The following FAM227A variants were observed in gnomAD, a reference collection of about 807,000 sequenced individuals.
FAM227A encodes the protein family with sequence similarity 227 member A, also known as protein FAM227A.
In FAM227A, 80 loss-of-function variants were observed where a neutral mutation model predicts 74.7. The ratio of observed to expected loss-of-function variants is 1.07; its 90% CI spans 0.89 to 1.29. FAM227A has a LOEUF of 1.29. Among genes scored for constraint, FAM227A ranks in the 50% most tolerant of loss-of-function variants. FAM227A has a pLI of 0.00. For synonymous variants in FAM227A, 237 were observed against 241.8 expected (o/e 0.98, Z 0.19); for missense variants, 654 against 683.4 (o/e 0.96, Z 0.48).
At chr22:38,607,256 G>T in intron 12 of FAM227A, 133 bp downstream of exon 12, 1 of 581,370 alleles carries the variant, frequency 1.7e-6, no homozygotes, top group Non-Finnish European at 3.1e-6. Flanking sequence ...ATTACTTGGT[G>T]CCAAGGCCCA....
At chr22:38,641,178 T>G (rs932029850) in intron 3 of FAM227A, among the ~76,000 whole-genome samples, 1 of 152,044 alleles carries the variant, frequency 6.6e-6, no homozygotes, top group Non-Finnish European at 1.5e-5. Flanking sequence ...GGGGGAAAGA[T>G]GGTAAGACCA....
intron 11 of FAM227A, among the ~76,000 whole-genome samples, chr22:38,613,312 C>CATATATCAT (rs1435078532): frequency 3.4e-4 from 19 of 56,522 alleles, no homozygotes; most frequent in African/African-American, 1.3e-3. Flanking sequence ...TAATATATAA[C>CATATATCAT]ATATAATATA....
chr22:38,607,292 G>T, intron 12 of FAM227A, 97 bp downstream of exon 12: 1 of 830,442 alleles, frequency 1.2e-6, no homozygotes, highest in Non-Finnish European at 1.9e-6. Flanking sequence ...TATAAAGTAG[G>T]TCAGCAAATT....
chr22:38,623,122 T>C (rs1166755464), intron 10 of FAM227A, 50 bp downstream of exon 10: 1 of 1,264,434 alleles, frequency 7.9e-7, no homozygotes. Flanking sequence ...TAGATAGTGG[T>C]TGAGTATGGC....
At chr22:38,621,163 CCT>C (rs1259644434) in intron 10 of FAM227A, among the ~76,000 whole-genome samples, 3 of 151,902 alleles carry the variant, frequency 2.0e-5, no homozygotes, top group African/African-American at 4.8e-5. Flanking sequence ...ATGGTGAAAC[CCT>C]GTCTCACCCT....
intron 2 of FAM227A, among the ~76,000 whole-genome samples, chr22:38,647,123 C>T (rs572128162): frequency 5.6e-4 from 83 of 149,456 alleles, no homozygotes; most frequent in African/African-American, 1.8e-3. Flanking sequence ...CACTCCAGCC[C>T]GTGCGATGGT....
chr22:38,628,726 G>A, intron 7 of FAM227A, 108 bp downstream of exon 7: 1 of 727,056 alleles, frequency 1.4e-6, no homozygotes, highest in Non-Finnish European at 2.4e-6. Context: ...AGGCTGTGGG[G>A]TGCTCCATGG....
At chr22:38,654,418 G>A (rs2092362283) in intron 1 of FAM227A, among the ~76,000 whole-genome samples, 1 of 151,974 alleles carries the variant, frequency 6.6e-6, no homozygotes, top group East Asian at 1.9e-4. Context: ...AGCGGGAAGT[G>A]AGGCTGGAAA....
intron 16 of FAM227A, among the ~76,000 whole-genome samples, chr22:38,591,111 G>A (rs1415327809): frequency 6.6e-6 from 1 of 151,996 alleles, no homozygotes; most frequent in African/African-American, 2.4e-5. Flanking sequence ...GCTCTTTCCT[G>A]TGTTTTAAGA....
In FAM227A at chr22:38,582,355, T is replaced by A; in HGVS notation, c.*3770A>T. On this transcript the variant is annotated 3_prime_UTR_variant, in exon 17 of 17. Coordinates refer to ENST00000535113, the MANE Select transcript of FAM227A (RefSeq NM_001013647.2). ...TAACTTCATCTCTTCTAGTTTAACA[T>A]CTGAATTTATCTTCTTCCATGCTGA... 4.5e-6 allele frequency: 7 copies of A among 1,550,334 alleles called. No individual in the cohort carries two copies. The highest frequency in any genetic ancestry group is 6.1e-6 in the Non-Finnish European group (7 of 1,146,762).
At chr22:38,604,635 C>T (rs565193576) in intron 13 of FAM227A, among the ~76,000 whole-genome samples, 16 of 152,198 alleles carry the variant, frequency 1.1e-4, no homozygotes, top group African/African-American at 3.9e-4. Flanking sequence ...TTGGTTTTAT[C>T]ACTTATTTGC....
At chr22:38,586,298 C>T in intron 16 of FAM227A, 99 bp from the exon 17 acceptor site, 1 of 1,330,198 alleles carries the variant, frequency 7.5e-7, no homozygotes, top group Non-Finnish European at 1.0e-6. Context: ...AGTGGTGATC[C>T]TTGTGTGCAT....
At position 38,605,271 on chromosome 22, in the gene FAM227A, T is replaced by C; in HGVS notation, c.1204A>G (p.Asn402Asp). 2 of 1,547,276 alleles carry C rather than the reference T, an allele frequency of 1.3e-6. No homozygotes were observed. Among genetic ancestry groups the C allele is most frequent in the South Asian group, 1.2e-5 (1 of 83,950 alleles). The part of the protein sequence containing the change: ...KRISEARECE[N>D]MFPKKSCAAC... ...GTGCTCACCTTTTTAGGAAACATATTCTCACATTCTCTTGCTTCTGATATC... is the reference window on the plus strand; with the variant it reads ...GTGCTCACCTTTTTAGGAAACATATCCTCACATTCTCTTGCTTCTGATATC... Residue 402 changes from asparagine (N) to aspartate (D), a missense_variant, in exon 13 of 17, where the codon AAT (asparagine) becomes GAT (aspartate). Physicochemically the swap from Asn to Asp is conservative, Grantham distance 23 (BLOSUM62 1). Coordinates refer to ENST00000535113, the MANE Select transcript of FAM227A (RefSeq NM_001013647.2).
chr22:38,635,803 T>C (rs958196491), intron 6 of FAM227A, among the ~76,000 whole-genome samples: 3 of 152,042 alleles, frequency 2.0e-5, no homozygotes, highest in East Asian at 1.9e-4. Flanking sequence ...AGTTGGAGAA[T>C]AGCCTGGGCA....
chr22:38,594,511 T>C (rs1602858843), intron 15 of FAM227A, among the ~76,000 whole-genome samples: 1 of 152,222 alleles, frequency 6.6e-6, no homozygotes, highest in Non-Finnish European at 1.5e-5. Context: ...GAGGGAGGTT[T>C]TTCTTGGCTG....
chr22:38,640,487 C>G (rs2145676582), intron 3 of FAM227A, among the ~76,000 whole-genome samples: 1 of 152,188 alleles, frequency 6.6e-6, no homozygotes, highest in South Asian at 2.1e-4. Context: ...TGACTCTTCC[C>G]CACCCCCATC....
rs553544034 is a variant in FAM227A, at chr22:38,602,707, G to A, written c.1221+2547C>T. Among the ~76,000 whole-genome samples, 29 of 152,136 alleles carry A rather than the reference G, an allele frequency of 1.9e-4. 1 individual carries two copies. The highest frequency in any genetic ancestry group is 6.3e-4 in the African/African-American group (26 of 41,490). On this transcript the variant is annotated intron_variant, in intron 13 of 16. Coordinates refer to ENST00000535113, the MANE Select transcript of FAM227A (RefSeq NM_001013647.2). Reference sequence around the variant, plus strand: ...AAATAAATTTTTTTTCAAAGCCTACGAAAGTCCAGCATCTGGGATCCACTA... The same window carrying A: ...AAATAAATTTTTTTTCAAAGCCTACAAAAGTCCAGCATCTGGGATCCACTA...
chr22:38,610,615 G>A (rs1414312391), intron 11 of FAM227A, among the ~76,000 whole-genome samples: 2 of 152,166 alleles, frequency 1.3e-5, no homozygotes, highest in African/African-American at 2.4e-5. Flanking sequence ...GAGGATATAT[G>A]CAAAGAAAAC....
In FAM227A at chr22:38,579,762, A is replaced by G. The variant is rs939026045; in HGVS notation, c.*6363T>C. On this transcript the variant is annotated 3_prime_UTR_variant, in exon 17 of 17. Coordinates refer to ENST00000535113, the MANE Select transcript of FAM227A (RefSeq NM_001013647.2). ...TTTCAGTATATATCTCTAAAATGTGATAACTCTTTAAAAAATATAACCATA... is the reference window on the plus strand; with the variant it reads ...TTTCAGTATATATCTCTAAAATGTGGTAACTCTTTAAAAAATATAACCATA... 3.9e-5 allele frequency: 6 copies of G among 152,198 alleles called. No homozygotes were observed. Among genetic ancestry groups the G allele is most frequent in the Admixed American group, 3.3e-4 (5 of 15,274 alleles). 9.4% of individuals were successfully genotyped at this position (152,198 alleles called of 1,614,324 possible).
Sources: gnomAD v4.1 joint callset for allele counts (sites outside exome capture counted in the v4.1 genomes callset) on GRCh38, gnomAD v4.1.1 for gene constraint, MANE v1.5 for transcripts, NCBI Gene and HGNC (gene_info 2026-07-23, HGNC 2026-07-21) for gene names.